The following CALN1 variants were observed in gnomAD, a reference collection of about 807,000 sequenced individuals.
The protein encoded by CALN1 is calneuron 1, also known as calcium-binding protein 8.
In CALN1, 17 loss-of-function variants were observed where a neutral mutation model predicts 30.6. The observed-to-expected ratio is 0.56, with a 90% CI of 0.38 to 0.83. CALN1 has a LOEUF of 0.83. CALN1 is among the 40% of genes least tolerant of loss of function. The pLI is 0.00. For missense variants in CALN1, 291 were observed against 354.9 expected (o/e 0.82, Z 1.45); for synonymous variants, 156 against 131.4 (o/e 1.19, Z -1.28).
intron 2 of CALN1, among the ~76,000 whole-genome samples, chr7:72,299,689 CTTTTTTT>C (rs34296600): frequency 3.3e-5 from 4 of 119,846 alleles, no homozygotes; most frequent in Non-Finnish European, 5.0e-5. Flanking sequence ...ATGCTCTTAT[CTTTTTTT>C]TTTTTTTTTT....
intron 2 of CALN1, among the ~76,000 whole-genome samples, chr7:72,296,833 A>C (rs1798899322): frequency 6.6e-6 from 1 of 150,510 alleles, no homozygotes; most frequent in South Asian, 2.1e-4. Flanking sequence ...TGATTTTTTG[A>C]AGGGTTTTTT....
chr7:71,900,855 A>C (rs1793808579), intron 5 of CALN1, among the ~76,000 whole-genome samples: 3 of 152,216 alleles, frequency 2.0e-5, no homozygotes, highest in African/African-American at 7.2e-5. Flanking sequence ...TAAAATGCTA[A>C]TGAGACATCC....
chr7:72,399,082 G>A (rs1332563851), intron 2 of CALN1, among the ~76,000 whole-genome samples: 1 of 152,014 alleles, frequency 6.6e-6, no homozygotes, highest in Non-Finnish European at 1.5e-5. Flanking sequence ...ACCATCTACA[G>A]GTCACCTCCT....
At chr7:72,361,726 G>C (rs1803581409) in intron 2 of CALN1, among the ~76,000 whole-genome samples, 1 of 152,128 alleles carries the variant, frequency 6.6e-6, no homozygotes, top group Non-Finnish European at 1.5e-5. Context: ...GGAGAAAGAA[G>C]TAAAAAGAAC....
chr7:72,111,010 T>C (rs926148270), intron 3 of CALN1, among the ~76,000 whole-genome samples: 2 of 152,204 alleles, frequency 1.3e-5, no homozygotes, highest in African/African-American at 4.8e-5. Context: ...GAACAGGCAG[T>C]AATGTTGTGT....
chr7:72,074,627 C>T (rs529615461), intron 4 of CALN1, among the ~76,000 whole-genome samples: 2 of 152,234 alleles, frequency 1.3e-5, no homozygotes, highest in Admixed American at 1.3e-4. Flanking sequence ...AGGCTGGTCT[C>T]GAACTCCTGA....
At chr7:71,966,090 C>T (rs1797516384) in intron 5 of CALN1, among the ~76,000 whole-genome samples, 1 of 152,182 alleles carries the variant, frequency 6.6e-6, no homozygotes, top group Non-Finnish European at 1.5e-5. Flanking sequence ...GAAGGATATA[C>T]AGTCTGTCTA....
At chr7:72,093,134 C>T (rs1021633845) in intron 4 of CALN1, among the ~76,000 whole-genome samples, 6 of 152,122 alleles carry the variant, frequency 3.9e-5, no homozygotes, top group African/African-American at 1.4e-4. Context: ...AAAAATTCTT[C>T]CTCTCACATA....
chr7:72,086,425 G>GTTA (rs374702327), intron 4 of CALN1, among the ~76,000 whole-genome samples: 1,530 of 151,932 alleles, frequency 0.01, 23 homozygotes, highest in African/African-American at 0.035. Flanking sequence ...TATTGTAGTT[G>GTTA]TTATTATTAT....
intron 5 of CALN1, among the ~76,000 whole-genome samples, chr7:71,913,020 G>A (rs906132999): frequency 2.6e-5 from 4 of 152,166 alleles, no homozygotes; most frequent in African/African-American, 9.7e-5. Flanking sequence ...GGAGGCTGAG[G>A]AGAGCATCCA....
At chr7:72,120,415 A>G (rs1334080706) in intron 3 of CALN1, among the ~76,000 whole-genome samples, 1 of 152,122 alleles carries the variant, frequency 6.6e-6, no homozygotes. Context: ...ATTCCATCCT[A>G]TGGCCATAGC....
chr7:72,041,449 T>C (rs1802121939), intron 4 of CALN1, among the ~76,000 whole-genome samples: 1 of 152,116 alleles, frequency 6.6e-6, no homozygotes. Context: ...AGTGGTACGA[T>C]TTCGGCTCAC....
At chr7:71,873,228 G>C (rs969887912) in intron 5 of CALN1, among the ~76,000 whole-genome samples, 1 of 151,782 alleles carries the variant, frequency 6.6e-6, no homozygotes, top group African/African-American at 2.4e-5. Context: ...GGCAGGTCTC[G>C]AACTACTGAC....
intron 5 of CALN1, among the ~76,000 whole-genome samples, chr7:71,891,665 C>T (rs999800120): frequency 2.2e-4 from 33 of 152,248 alleles, no homozygotes; most frequent in African/African-American, 6.0e-4. Flanking sequence ...TGCTATATGC[C>T]GGGCATGATG....
At chr7:72,384,942 T>C (rs1240857106) in intron 2 of CALN1, among the ~76,000 whole-genome samples, 2 of 151,966 alleles carry the variant, frequency 1.3e-5, no homozygotes, top group East Asian at 3.9e-4. Flanking sequence ...CTAAGAAATC[T>C]TAAAACTCAA....
At chr7:71,916,364 C>T (rs1317324173) in intron 5 of CALN1, among the ~76,000 whole-genome samples, 1 of 151,622 alleles carries the variant, frequency 6.6e-6, no homozygotes, top group Non-Finnish European at 1.5e-5. Context: ...AGGTTTGATA[C>T]AAATGTGATT....
chr7:71,978,183 G>A (rs1395352878), intron 5 of CALN1, among the ~76,000 whole-genome samples: 1 of 150,212 alleles, frequency 6.7e-6, no homozygotes, highest in Non-Finnish European at 1.5e-5. Flanking sequence ...TATGCCTAAG[G>A]ATCGTCCAAC....
intron 2 of CALN1, among the ~76,000 whole-genome samples, chr7:72,312,394 GAAAAAAAA>G (rs768174448): frequency 2.8e-5 from 2 of 71,826 alleles, no homozygotes; most frequent in Non-Finnish European, 6.1e-5. Context: ...CTTCATCTCA[GAAAAAAAA>G]AAAAAAAAAA....
chr7:72,220,505 G>A (rs1356371080), intron 3 of CALN1, among the ~76,000 whole-genome samples: 3 of 151,726 alleles, frequency 2.0e-5, no homozygotes, highest in African/African-American at 4.8e-5. Context: ...ATAAACATAC[G>A]TGTGCATGTG....
Sources: gnomAD v4.1 joint callset for allele counts (sites outside exome capture counted in the v4.1 genomes callset) on GRCh38, gnomAD v4.1.1 for gene constraint, MANE v1.5 for transcripts, NCBI Gene and HGNC (gene_info 2026-07-23, HGNC 2026-07-21) for gene names.